The following MAML2 variants were observed in gnomAD, a reference collection of about 807,000 sequenced individuals.
MAML2 encodes mastermind-like protein 2.
In MAML2, 22 loss-of-function variants were observed where a neutral mutation model predicts 96.1. That is an observed-to-expected ratio of 0.23 (90% confidence interval 0.16 to 0.33). The LOEUF is 0.33. MAML2 is among the 10% of genes least tolerant of loss of function. The pLI, the probability that MAML2 is intolerant of heterozygous loss-of-function variation, is 1.00. For synonymous variants in MAML2, 561 were observed against 521.3 expected, an observed-to-expected ratio of 1.08 and a Z score of -1.04; for missense variants, 1,367 against 1,392.4, an observed-to-expected ratio of 0.98 and a Z score of 0.29.
chr11:96,314,748 T>G (rs1863604870), intron 1 of MAML2, among the ~76,000 whole-genome samples: 1 of 152,250 alleles, frequency 6.6e-6, no homozygotes, highest in Non-Finnish European at 1.5e-5. Context: ...AGACTCATTT[T>G]GTACCCAATA....
chr11:96,149,197 A>C (rs753837455), intron 1 of MAML2, among the ~76,000 whole-genome samples: 13 of 151,754 alleles, frequency 8.6e-5, no homozygotes, highest in Non-Finnish European at 1.9e-4. Context: ...GCAGATCACA[A>C]GGTCAGGAGT....
chr11:95,992,178 G>A (rs1259835074), intron 2 of MAML2, among the ~76,000 whole-genome samples: 1 of 152,196 alleles, frequency 6.6e-6, no homozygotes, highest in African/African-American at 2.4e-5. Flanking sequence ...TGGACAGAAG[G>A]CATTTTGCCT....
intron 1 of MAML2, among the ~76,000 whole-genome samples, chr11:96,317,461 T>G (rs954886530): frequency 6.6e-6 from 1 of 152,340 alleles, no homozygotes; most frequent in African/African-American, 2.4e-5. Context: ...TATGAGGGTA[T>G]GTGAGATGCA....
intron 1 of MAML2, among the ~76,000 whole-genome samples, chr11:96,260,176 G>C (rs1283901354): frequency 6.6e-6 from 1 of 151,762 alleles, no homozygotes; most frequent in Non-Finnish European, 1.5e-5. Context: ...GAGTCACTCT[G>C]TGTGGTGTTG....
intron 2 of MAML2, among the ~76,000 whole-genome samples, chr11:95,991,937 A>C (rs1160071868): frequency 6.6e-6 from 1 of 152,216 alleles, no homozygotes; most frequent in Non-Finnish European, 1.5e-5. Flanking sequence ...ACATTAGGGC[A>C]CTGGAAAAGC....
At chr11:96,337,941 C>T (rs1312740813) in intron 1 of MAML2, among the ~76,000 whole-genome samples, 1 of 152,170 alleles carries the variant, frequency 6.6e-6, no homozygotes, top group African/African-American at 2.4e-5. Flanking sequence ...CCTAGGTAAC[C>T]CAGATGGTGA....
intron 2 of MAML2, among the ~76,000 whole-genome samples, chr11:96,039,890 G>A (rs770888424): frequency 6.7e-6 from 1 of 149,946 alleles, no homozygotes; most frequent in Non-Finnish European, 1.5e-5. Context: ...CCCGGGAGGC[G>A]AAGCTTGCAG....
At chr11:96,169,349 T>C (rs1861243986) in intron 1 of MAML2, among the ~76,000 whole-genome samples, 1 of 152,200 alleles carries the variant, frequency 6.6e-6, no homozygotes, top group Non-Finnish European at 1.5e-5. Context: ...AGACCCATTC[T>C]CTTTCCTCCT....
intron 2 of MAML2, among the ~76,000 whole-genome samples, chr11:96,021,171 C>T (rs1206876660): frequency 2.0e-5 from 3 of 152,140 alleles, no homozygotes; most frequent in Non-Finnish European, 2.9e-5. Flanking sequence ...CTGGGTTTCT[C>T]CCTGTTGAAG....
intron 2 of MAML2, among the ~76,000 whole-genome samples, chr11:96,076,888 A>T (rs948893372): frequency 1.1e-4 from 16 of 152,106 alleles, no homozygotes; most frequent in African/African-American, 3.9e-4. Flanking sequence ...GGGCCTTTGG[A>T]TCCATGTTGC....
chr11:96,051,373 T>C (rs1428922757), intron 2 of MAML2, among the ~76,000 whole-genome samples: 2 of 152,212 alleles, frequency 1.3e-5, no homozygotes, highest in Non-Finnish European at 2.9e-5. Context: ...TTAAACCCTT[T>C]ACATTTAATC....
chr11:96,160,905 T>C (rs1161283543), intron 1 of MAML2, among the ~76,000 whole-genome samples: 2 of 152,222 alleles, frequency 1.3e-5, no homozygotes, highest in Non-Finnish European at 2.9e-5. Context: ...ACAGTGTGGT[T>C]TGAACCAGAG....
intron 1 of MAML2, among the ~76,000 whole-genome samples, chr11:96,299,060 A>AAAAATATATATATATAT (rs55878534): frequency 1.8e-5 from 1 of 56,342 alleles, no homozygotes. Context: ...AAAAAAAAAA[A>AAAAATATATATATATAT]ATATATATAT....
At chr11:96,328,984 A>G (rs1463199985) in intron 1 of MAML2, among the ~76,000 whole-genome samples, 5 of 152,240 alleles carry the variant, frequency 3.3e-5, no homozygotes, top group Admixed American at 2.6e-4. Context: ...ATTGTTATGT[A>G]TATATGAGAA....
Position 96,245,629 on chromosome 11 carries a change from T to C in MAML2, c.513+95754A>G, listed in dbSNP as rs10219314. On this transcript the variant is annotated intron_variant, in intron 1 of 4. Coordinates refer to ENST00000524717, the MANE Select transcript of MAML2 (RefSeq NM_032427.4). ...CACCACGTTTGCTGACTTGCTTCAA[T>C]ATGAATTTGTATGGCTATGAAATTG... Among the ~76,000 whole-genome samples the C allele has an allele frequency of 7.0e-3, 1,069 of 152,258 alleles. 10 individuals are homozygous for C. The highest frequency in any genetic ancestry group is 0.025 in the African/African-American group (1,021 of 41,534).
At chr11:96,260,810 T>A (rs571019107) in intron 1 of MAML2, among the ~76,000 whole-genome samples, 156 of 146,360 alleles carry the variant, frequency 1.1e-3, no homozygotes, top group African/African-American at 3.8e-3. Flanking sequence ...AAAAAAAAAA[T>A]TCCTAATTGA....
At chr11:96,241,709 G>T (rs1024625721) in intron 1 of MAML2, among the ~76,000 whole-genome samples, 1 of 152,148 alleles carries the variant, frequency 6.6e-6, no homozygotes, top group African/African-American at 2.4e-5. Flanking sequence ...GTCAACAGAG[G>T]AGGAGAATTT....
chr11:96,125,195 C>G (rs1053369477), intron 1 of MAML2, among the ~76,000 whole-genome samples: 1 of 152,054 alleles, frequency 6.6e-6, no homozygotes, highest in African/African-American at 2.4e-5. Flanking sequence ...GGGGTAGAGG[C>G]AGAGAAGCAA....
chr11:96,336,021 C>G (rs1267623458), intron 1 of MAML2, among the ~76,000 whole-genome samples: 1 of 152,160 alleles, frequency 6.6e-6, no homozygotes, highest in Non-Finnish European at 1.5e-5. Context: ...GTTTTGAGCA[C>G]CTACTATGTA....
Sources: allele counts gnomAD v4.1 joint callset (sites outside exome capture counted in the v4.1 genomes callset), GRCh38; gene constraint gnomAD v4.1.1; transcripts MANE v1.5; gene names NCBI Gene and HGNC (gene_info 2026-07-23, HGNC 2026-07-21).